The following IDH1 variants were observed in gnomAD, a reference collection of about 807,000 sequenced individuals.
IDH1 encodes isocitrate dehydrogenase [NADP] cytoplasmic.
IDH1 carries 33 observed loss-of-function variants against 46.1 expected under a neutral mutation model. The observed-to-expected ratio is 0.72, with a 90% CI of 0.54 to 0.96. The LOEUF (loss-of-function observed/expected upper bound fraction) is 0.96. IDH1 is among the 40% of genes least tolerant of loss of function. The probability of loss-of-function intolerance (pLI) is 0.00; values close to 1 mark genes in which losing one functional copy is unlikely to be tolerated. For synonymous variants in IDH1, 144 were observed against 172.8 expected, an observed-to-expected ratio of 0.83 and a Z score of 1.31; for missense variants, 421 against 515.7, an observed-to-expected ratio of 0.82 and a Z score of 1.78.
chr2:208,251,175 T>A (rs1333623539), intron 3 of IDH1: 1 of 357,718 alleles, frequency 2.8e-6, no homozygotes, highest in African/African-American at 2.1e-5. Context: ...TATATCTATA[T>A]AAAAAAAGCT....
Position 208,242,417 on chromosome 2 carries a change from A to G in IDH1, c.699-272T>C, listed in dbSNP as rs144021954. Among the ~76,000 whole-genome samples the G allele has an allele frequency of 4.3e-3, 657 of 152,320 alleles. 7 individuals are homozygous for G. Among genetic ancestry groups the G allele is most frequent in the African/African-American group, 0.015 (606 of 41,566 alleles). ...AGTGAGACAGTAGAGTATCCCAATGACTACTTCACTTTTCAGTTTTCATTA... is the reference window on the plus strand; with the variant it reads ...AGTGAGACAGTAGAGTATCCCAATGGCTACTTCACTTTTCAGTTTTCATTA... On this transcript the variant is annotated intron_variant, in intron 6 of 9. Coordinates refer to ENST00000345146, the MANE Select transcript of IDH1 (RefSeq NM_005896.4).
chr2:208,253,467 C>T (rs1688159052), intron 2 of IDH1, among the ~76,000 whole-genome samples: 2 of 152,230 alleles, frequency 1.3e-5, no homozygotes, highest in Non-Finnish European at 1.5e-5. Flanking sequence ...TTGTCTCCAA[C>T]CCAATCCCAA....
At chr2:208,248,075 C>A in intron 4 of IDH1, 1 of 418,896 alleles carries the variant, frequency 2.4e-6, no homozygotes, top group South Asian at 2.6e-5. Context: ...ATGAAATTAC[C>A]AACATAAAAA....
intron 9 of IDH1, among the ~76,000 whole-genome samples, chr2:208,237,661 C>G (rs1687837279): frequency 6.6e-6 from 1 of 151,746 alleles, no homozygotes; most frequent in Admixed American, 6.6e-5. Flanking sequence ...TGGCTCACGC[C>G]TATAATCCCA....
At chr2:208,253,014 T>C (rs1003979770) in intron 2 of IDH1, among the ~76,000 whole-genome samples, 11 of 152,240 alleles carry the variant, frequency 7.2e-5, no homozygotes, top group Middle Eastern at 6.3e-3. Context: ...ACACCTATCC[T>C]TGTTTTAAAA....
chr2:208,250,742 T>G (rs967035223), intron 3 of IDH1, among the ~76,000 whole-genome samples: 2 of 152,156 alleles, frequency 1.3e-5, no homozygotes, highest in African/African-American at 4.8e-5. Flanking sequence ...GACACAGGAT[T>G]TAAGGGAATT....
intron 2 of IDH1, 137 bp from the exon 3 acceptor site, chr2:208,251,704 AATAAAAAGCTAGTAACAGCAATTCT>A: frequency 1.5e-6 from 1 of 677,336 alleles, no homozygotes. Flanking sequence ...TGTGTAGTTG[AATAAAAAGCTAGTAACAGCAATTCT>A]ATTTACCATT....
At chr2:208,245,462 T>C (rs2124857878) in intron 4 of IDH1, 38 bp from the exon 5 acceptor site, 2 of 1,077,112 alleles carry the variant, frequency 1.9e-6, no homozygotes, top group Non-Finnish European at 1.4e-6. Context: ...AAAAAAAAAA[T>C]ACCCTAGCAG....
Position 208,236,851 on chromosome 2 carries a change from C to T in IDH1, c.*228G>A, listed in dbSNP as rs1687820787. On this transcript the variant is annotated 3_prime_UTR_variant, in exon 10 of 10. Transcript: ENST00000345146. ...TACTAACCGAATTCCTAGGCTGGTA[C>T]TAGAAAATAAAATAAAAATTGTAAA... 9.6e-6 allele frequency: 5 copies of T among 523,388 alleles called. No individual in the cohort carries two copies. The highest frequency in any genetic ancestry group is 1.7e-5 in the Non-Finnish European group (5 of 295,788). The allele number at this position is 523,388 out of a possible 1,614,324, so 32.4% of individuals were successfully genotyped here.
At chr2:208,237,298 G>GT (rs1687829070) in intron 9 of IDH1, 129 bp from the exon 10 acceptor site, 4 of 686,970 alleles carry the variant, frequency 5.8e-6, no homozygotes, top group East Asian at 2.7e-5. Flanking sequence ...ATTCATGTTA[G>GT]TAAGCTACAA....
At position 208,243,540 on chromosome 2, in the gene IDH1, A is replaced by G. The variant is rs1687960973; in HGVS notation, c.585T>C (p.Ser195=). The change falls in exon 6 of 10, where the codon AGT becomes AGC. Residue 195 remains serine, a synonymous_variant. Transcript: ENST00000345146. Reference sequence around the variant, plus strand: ...CCTTAGACAGAGCCATTTGGAAGGAACTGTGTGCAAAATCTTCAATTGACT... The same window carrying G: ...CCTTAGACAGAGCCATTTGGAAGGAGCTGTGTGCAAAATCTTCAATTGACT... ...QDKSIEDFAH[S]SFQMALSKGW... The G allele has an allele frequency of 1.9e-6, 3 of 1,613,616 alleles. No homozygotes were observed. In the African/African-American group the frequency reaches 4.0e-5, roughly 22 times the overall value.
intron 2 of IDH1, among the ~76,000 whole-genome samples, chr2:208,251,895 G>A (rs1168786459): frequency 6.6e-6 from 1 of 152,064 alleles, no homozygotes; most frequent in African/African-American, 2.4e-5. Context: ...GCTAGAGCGT[G>A]GCAGAGCCTG....
intron 9 of IDH1, among the ~76,000 whole-genome samples, chr2:208,237,640 G>T (rs1367190388): frequency 6.6e-6 from 1 of 152,060 alleles, no homozygotes; most frequent in Non-Finnish European, 1.5e-5. Context: ...CAAAAGACAG[G>T]CCGGGCCTGG....
At position 208,239,990 on chromosome 2, in the gene IDH1, G is replaced by A. The variant is rs1574402430; in HGVS notation, c.864C>T (p.Leu288=). ...SDSVAQGYGS[L]GMMTSVLVCP... ...AAACCAGCACGCTGGTCATCATGCC[G>A]AGAGAGCCATACCCTGTAAGTAGTG... Residue 288 remains leucine (L), a synonymous_variant, in exon 8 of 10, where the codon CTC becomes CTT. Transcript: ENST00000345146. 6.8e-6 allele frequency: 11 copies of A among 1,613,958 alleles called. No homozygotes were observed. The highest frequency in any genetic ancestry group is 3.3e-5 in the Admixed American group (2 of 59,998).
chr2:208,245,279 G>T, intron 5 of IDH1, 40 bp downstream of exon 5: 4 of 989,540 alleles, frequency 4.0e-6, no homozygotes, highest in Non-Finnish European at 6.4e-6. Flanking sequence ...TAAATCATTT[G>T]TTTAAAAAAA....
Position 208,239,867 on chromosome 2 carries a change from G to A in IDH1, c.987C>T (p.Pro329=). Residue 329 remains proline (P), a synonymous_variant, in exon 8 of 10, where the codon CCC becomes CCT. Transcript: ENST00000345146. The part of the protein sequence containing the change: ...YQKGQETSTN[P]IASIFAWTRG... ...TCAATGTAAACACCATCTTACCAAT[G>A]GGATTGGTGGACGTCTCCTGTCCTT... The A allele has an allele frequency of 2.5e-6, 4 of 1,614,002 alleles. No homozygotes were observed. The highest frequency in any genetic ancestry group is 2.5e-6 in the Non-Finnish European group (3 of 1,179,850).
intron 9 of IDH1, among the ~76,000 whole-genome samples, chr2:208,237,584 A>G (rs1267235926): frequency 6.6e-6 from 1 of 152,122 alleles, no homozygotes; most frequent in African/African-American, 2.4e-5. Flanking sequence ...ACATGTCCTT[A>G]AAAAAAGTTA....
In IDH1 at chr2:208,240,264, A is replaced by G. The variant is rs1687894642; in HGVS notation, c.851-261T>C. On this transcript the variant is annotated intron_variant, in intron 7 of 9. Coordinates refer to ENST00000345146, the MANE Select transcript of IDH1 (RefSeq NM_005896.4). The stretch of plus-strand genomic sequence containing the variant: ...TCCTTGATGGAGGGTTCAGGGTCCA[A>G]CTGCCTACATTCCACTCTAGTTCTA... 2.8e-5 allele frequency: 14 copies of G among 499,524 alleles called. No homozygotes were observed. In the East Asian group the frequency reaches 4.6e-4, roughly 16 times the overall value. The allele number at this position is 499,524 out of a possible 1,614,324, so 30.9% of individuals were successfully genotyped here.
chr2:208,242,487 A>AT (rs1429048729), intron 6 of IDH1, among the ~76,000 whole-genome samples: 1 of 152,192 alleles, frequency 6.6e-6, no homozygotes, highest in Admixed American at 6.5e-5. Context: ...TTTAAAATAC[A>AT]TTTTTGAAAA....
Sources: allele counts gnomAD v4.1 joint callset (sites outside exome capture counted in the v4.1 genomes callset), GRCh38; gene constraint gnomAD v4.1.1; transcripts MANE v1.5; gene names NCBI Gene and HGNC (gene_info 2026-07-23, HGNC 2026-07-21).